Variants in DNAAF4 observed in about 807,000 individuals in gnomAD.
The protein encoded by DNAAF4 is dynein axonemal assembly factor 4.
Under a neutral mutation model 51.8 loss-of-function variants are expected in DNAAF4, and 43 were observed. The ratio of observed to expected loss-of-function variants is 0.83; its 90% CI spans 0.65 to 1.07. The LOEUF (loss-of-function observed/expected upper bound fraction) is 1.07, where lower values mean the gene tolerates loss of function less well. DNAAF4 is among the 50% of genes least tolerant of loss of function. DNAAF4 has a pLI of 0.00. For synonymous variants in DNAAF4, 194 were observed against 165.6 expected (o/e 1.17, Z -1.32); for missense variants, 581 against 493.0 (o/e 1.18, Z -1.69).
In DNAAF4 at chr15:55,430,710, T is replaced by C; in HGVS notation, c.1223A>G (p.Lys408Arg). 6.2e-7 allele frequency: 1 copy of C among 1,613,464 alleles called. No homozygotes were observed. The highest frequency in any genetic ancestry group is 8.5e-7 in the Non-Finnish European group (1 of 1,179,644). ...SNKIVQIDAEKIRNVIQGTEL... is the reference protein window; with the variant it reads ...SNKIVQIDAERIRNVIQGTEL... ...TGTTCCTTGAATTACATTCCGAATC[T>C]TCTCAGCATCAATTTGTACAATTTT... is the stretch of plus-strand genomic sequence containing the variant. The change falls in exon 10 of 10, where the codon AAG becomes AGG. Residue 408 changes from lysine (K) to arginine (R), a missense_variant. By Grantham distance (26) the Lys-to-Arg change is conservative (BLOSUM62 2). Transcript: ENST00000321149.
intron 6 of DNAAF4, among the ~76,000 whole-genome samples, chr15:55,447,727 G>A (rs1203525401): frequency 1.3e-5 from 2 of 148,376 alleles, no homozygotes; most frequent in East Asian, 2.1e-4. Context: ...GCAGCGAGCC[G>A]AGATCACGGC....
intron 6 of DNAAF4, among the ~76,000 whole-genome samples, chr15:55,444,636 C>A (rs929195735): frequency 6.6e-6 from 1 of 152,194 alleles, no homozygotes; most frequent in Non-Finnish European, 1.5e-5. Flanking sequence ...TTACCTTGGG[C>A]AGCACGGCCA....
Position 55,435,015 on chromosome 15 carries a change from A to G in DNAAF4, c.937T>C (p.Tyr313His), listed in dbSNP as rs1340353606. ...TTATTTAGTCTTATGGCTAAATTAT[A>G]TGCATTGATAGCTGCCAAATAGTTT... ...TENYLAAINA[Y>H]NLAIRLNNKM... Residue 313 changes from tyrosine to histidine, a missense_variant, in exon 8 of 10, where the codon TAT becomes CAT. Tyr to His is a moderately conservative substitution (Grantham distance 83). Coordinates refer to ENST00000321149, the MANE Select transcript of DNAAF4 (RefSeq NM_130810.4). 4 of 1,611,382 alleles carry G rather than the reference A, an allele frequency of 2.5e-6. No homozygotes were observed. Among genetic ancestry groups the G allele is most frequent in the Middle Eastern group, 1.7e-4 (1 of 5,966 alleles).
intron 5 of DNAAF4, among the ~76,000 whole-genome samples, chr15:55,455,656 T>C (rs989988654): frequency 2.0e-5 from 3 of 151,978 alleles, no homozygotes; most frequent in Non-Finnish European, 4.4e-5. Flanking sequence ...GGTCTGGAAC[T>C]CCTAACCTCA....
At chr15:55,445,695 G>A (rs1418791576) in intron 6 of DNAAF4, among the ~76,000 whole-genome samples, 5 of 145,446 alleles carry the variant, frequency 3.4e-5, no homozygotes, top group Admixed American at 6.8e-5. Context: ...CCTCCCAAAC[G>A]AAGGGCACCA....
intron 5 of DNAAF4, among the ~76,000 whole-genome samples, chr15:55,460,821 G>C (rs2058084849): frequency 6.6e-6 from 1 of 151,276 alleles, no homozygotes; most frequent in African/African-American, 2.4e-5. Context: ...CTGGAGTGCA[G>C]TGGCGTGATC....
intron 5 of DNAAF4, among the ~76,000 whole-genome samples, chr15:55,455,409 TATA>T (rs2058004621): frequency 1.4e-5 from 2 of 144,660 alleles, no homozygotes; most frequent in South Asian, 4.3e-4. Context: ...TATATATATA[TATA>T]TTCAATCTAA....
In DNAAF4 at chr15:55,486,321, G is replaced by C. The variant is rs1389750026; in HGVS notation, c.405+4802C>G. Among the ~76,000 whole-genome samples the C allele has an allele frequency of 2.0e-5, 3 of 151,824 alleles. No homozygotes were observed. In the East Asian group the frequency reaches 5.9e-4, roughly 30 times the overall value. ...CCATTCTCCTGCCTCAACCTCCAGA[G>C]TAGCTAAGATTACAGGTGCCTGCCA... is the stretch of plus-strand genomic sequence containing the variant. On this transcript the variant is annotated intron_variant, in intron 4 of 9. Coordinates refer to ENST00000321149, the MANE Select transcript of DNAAF4 (RefSeq NM_130810.4).
chr15:55,501,983 C>T (rs2058701902), intron 1 of DNAAF4, among the ~76,000 whole-genome samples: 1 of 151,414 alleles, frequency 6.6e-6, no homozygotes, highest in Non-Finnish European at 1.5e-5. Flanking sequence ...GCGGAAGTTG[C>T]ATTGAGCCGA....
intron 1 of DNAAF4, among the ~76,000 whole-genome samples, chr15:55,504,276 A>C (rs541677384): frequency 4.0e-4 from 61 of 152,354 alleles, no homozygotes; most frequent in African/African-American, 1.4e-3. Context: ...AAAAGAGGAC[A>C]CAAACAAATG....
intron 5 of DNAAF4, among the ~76,000 whole-genome samples, chr15:55,462,530 C>T (rs1032995245): frequency 4.6e-5 from 7 of 151,560 alleles, no homozygotes; most frequent in African/African-American, 1.2e-4. Flanking sequence ...GAACTGGTAC[C>T]AATCCTATTA....
rs377233830 is a variant in DNAAF4, at chr15:55,471,576, C to T, written c.406-4415G>A. 4.6e-4 allele frequency among the ~76,000 whole-genome samples: 70 copies of T among 151,618 alleles called. No homozygotes were observed. In the East Asian group the frequency reaches 0.011, roughly 24 times the overall value. ...TCGCCCAGGCTGGAGTGCAGCGGCA[C>T]GATCTCGGGTCACTGCAAGCTCCAC... is the stretch of plus-strand genomic sequence containing the variant. On this transcript the variant is annotated intron_variant, in intron 4 of 9. Coordinates refer to ENST00000321149, the MANE Select transcript of DNAAF4 (RefSeq NM_130810.4).
At position 55,450,264 on chromosome 15, in the gene DNAAF4, G is replaced by T. The variant is rs145991721; in HGVS notation, c.741C>A (p.Phe247Leu). Residue 247 changes from phenylalanine to leucine, a missense_variant, in exon 6 of 10, where the codon TTC (phenylalanine) becomes TTA (leucine). Physicochemically the swap from Phe to Leu is conservative, Grantham distance 22. Coordinates refer to ENST00000321149, the MANE Select transcript of DNAAF4 (RefSeq NM_130810.4). Reference protein sequence around the residue: ...SIKINFTPRVFPTALRESQVA... With the variant: ...SIKINFTPRVLPTALRESQVA... ...CTTGTGATTCACGAAGAGCTGTTGG[G>T]AATACTCGAGGGGTAAAGTTGATTT... The T allele has an allele frequency of 2.3e-5, 37 of 1,613,896 alleles. 1 individual carries two copies. The South Asian group carries it at 2.5e-4, about 11-fold the overall frequency.
chr15:55,507,060 A>G (rs2058730985), intron 1 of DNAAF4, among the ~76,000 whole-genome samples: 3 of 152,084 alleles, frequency 2.0e-5, no homozygotes. Context: ...CATGTTGGCC[A>G]GGCTGGTCTC....
chr15:55,499,294 G>A (rs2058679764), intron 1 of DNAAF4, among the ~76,000 whole-genome samples: 1 of 152,156 alleles, frequency 6.6e-6, no homozygotes, highest in Admixed American at 6.5e-5. Context: ...TCTGTTGAGT[G>A]TTGGGTCTTA....
rs374448653 is a variant in DNAAF4, at chr15:55,507,361, G to C, written c.-256+761C>G. 1.6e-4 allele frequency among the ~76,000 whole-genome samples: 25 copies of C among 152,272 alleles called. 1 individual carries two copies. The highest frequency in any genetic ancestry group is 6.0e-4 in the African/African-American group (25 of 41,548). ...GGCTACCCTACCTTAAACATGCTCA[G>C]AACACTTACATTAGCCTACAGTTGG... On this transcript the variant is annotated intron_variant, in intron 1 of 9. Coordinates refer to ENST00000321149, the MANE Select transcript of DNAAF4 (RefSeq NM_130810.4).
intron 6 of DNAAF4, among the ~76,000 whole-genome samples, chr15:55,447,784 G>A (rs796736785): frequency 1.4e-4 from 17 of 124,432 alleles, no homozygotes; most frequent in African/African-American, 5.4e-4. Context: ...GAAAGAGAGA[G>A]GGGAGAGGGG....
rs397515621 is a variant in DNAAF4 at position 55,439,557 on chromosome 15, G to C, written c.808C>G (p.Arg270Gly). Residue 270 changes from arginine to glycine, a missense_variant, in exon 7 of 10, where the codon CGA becomes GGA. Coordinates refer to ENST00000321149, the MANE Select transcript of DNAAF4 (RefSeq NM_130810.4). ...GCTATGTCAGTATTCATTGCTCTTC[G>C]TGCCTCAGCTTGTTTGTGTAGCCAC... ...EEWLHKQAEARRAMNTDIAEL... is the reference protein window; with the variant it reads ...EEWLHKQAEAGRAMNTDIAEL... 1.2e-6 allele frequency: 2 copies of C among 1,613,734 alleles called. No homozygotes were observed. The highest frequency in any genetic ancestry group is 1.7e-6 in the Non-Finnish European group (2 of 1,179,934).
chr15:55,497,460 C>T (rs376217179), intron 3 of DNAAF4, among the ~76,000 whole-genome samples: 2 of 151,830 alleles, frequency 1.3e-5, no homozygotes, highest in East Asian at 1.9e-4. Context: ...TTTAGCCGGG[C>T]GTGGTGGCGG....
Sources: allele counts gnomAD v4.1 joint callset (sites outside exome capture counted in the v4.1 genomes callset), GRCh38; gene constraint gnomAD v4.1.1; transcripts MANE v1.5; gene names NCBI Gene and HGNC (gene_info 2026-07-23, HGNC 2026-07-21).